PHF11: variants seen among roughly 807,000 people sequenced by gnomAD.
The protein encoded by PHF11 is PHD finger protein 11, also known as BRCA1 C-terminus-associated protein.
Under a neutral mutation model 40.5 loss-of-function variants are expected in PHF11, and 38 were observed. The observed-to-expected ratio is 0.94, with a 90% CI of 0.72 to 1.23. The LOEUF (loss-of-function observed/expected upper bound fraction) is 1.23, where lower values mean the gene tolerates loss of function less well. PHF11 is among the 50% of genes most tolerant of loss of function. The pLI, the probability that PHF11 is intolerant of heterozygous loss-of-function variation, is 0.00. For missense variants in PHF11, 369 were observed against 392.4 expected, an observed-to-expected ratio of 0.94 and a Z score of 0.50; for synonymous variants, 127 against 138.2, an observed-to-expected ratio of 0.92 and a Z score of 0.57.
chr13:49,508,168 T>A (rs1350049169), intron 2 of PHF11, among the ~76,000 whole-genome samples: 1 of 147,876 alleles, frequency 6.8e-6, no homozygotes, highest in Non-Finnish European at 1.5e-5. Flanking sequence ...TTATATGTAT[T>A]AATATATTAT....
At chr13:49,516,246 T>C (rs1473805743) in intron 3 of PHF11, among the ~76,000 whole-genome samples, 1 of 152,092 alleles carries the variant, frequency 6.6e-6, no homozygotes, top group East Asian at 1.9e-4. Context: ...TATTTGATCA[T>C]TGTACCTTGT....
chr13:49,517,988 A>G (rs778568733), intron 3 of PHF11, 30 bp from the exon 4 acceptor site: 3 of 1,161,032 alleles, frequency 2.6e-6, no homozygotes, highest in Non-Finnish European at 3.7e-6. Flanking sequence ...ACAAACAGGT[A>G]CTTACTCAGT....
At chr13:49,523,793 A>G (rs1433569563) in intron 7 of PHF11, 1 of 224,236 alleles carries the variant, frequency 4.5e-6, no homozygotes. Flanking sequence ...AAGGTATTGA[A>G]ATTTAAAAAG....
intron 1 of PHF11, chr13:49,496,578 T>TC: frequency 2.7e-6 from 1 of 373,700 alleles, no homozygotes; most frequent in Non-Finnish European, 3.7e-6. Flanking sequence ...GTTCCAGTCC[T>TC]CCCCGGCCCT....
At chr13:49,517,036 T>C (rs956558475) in intron 3 of PHF11, among the ~76,000 whole-genome samples, 3 of 152,258 alleles carry the variant, frequency 2.0e-5, no homozygotes, top group Non-Finnish European at 4.4e-5. Flanking sequence ...CTTTAATCCA[T>C]GTACAACTTA....
intron 9 of PHF11, 54 bp downstream of exon 9, chr13:49,526,512 G>A (rs1959288855): frequency 2.1e-6 from 2 of 934,038 alleles, no homozygotes; most frequent in Admixed American, 1.7e-5. Flanking sequence ...TATTTATCAC[G>A]ATATTGAAAC....
Position 49,496,237 on chromosome 13 carries a change from G to A in PHF11, c.94+142G>A, listed in dbSNP as rs1296874541. ...CCGGGGCCCTAGACGCCGGGGCGGCGCTGGACGAACTTGGCTCACCACTCG... is the reference window on the plus strand; with the variant it reads ...CCGGGGCCCTAGACGCCGGGGCGGCACTGGACGAACTTGGCTCACCACTCG... On this transcript the variant is annotated intron_variant, in intron 1 of 9. Transcript: ENST00000378319. 6.1e-6 allele frequency: 4 copies of A among 654,868 alleles called. No individual in the cohort carries two copies. The East Asian group carries it at 1.1e-4, about 18-fold the overall frequency. 40.6% of individuals were successfully genotyped at this position (654,868 alleles called of 1,614,324 possible).
chr13:49,502,498 A>G (rs1958923083), intron 1 of PHF11, among the ~76,000 whole-genome samples: 1 of 152,208 alleles, frequency 6.6e-6, no homozygotes. Context: ...TATATGACTA[A>G]CAAAGGGTTA....
At position 49,521,311 on chromosome 13, in the gene PHF11, A is replaced by T. The variant is rs535248151; in HGVS notation, c.505+371A>T. On this transcript the variant is annotated intron_variant, in intron 5 of 9. Coordinates refer to ENST00000378319, the MANE Select transcript of PHF11 (RefSeq NM_001040443.3). ...TTCCCTGAGTGAAAATTCCCTAAGG[A>T]TGCATGGTTAGCATTTCAGTTCTAA... 89 of 994,716 alleles carry T rather than the reference A, an allele frequency of 8.9e-5. No individual in the cohort carries two copies. The Middle Eastern group carries it at 2.0e-3, about 23-fold the overall frequency. 61.6% of individuals were successfully genotyped at this position (994,716 alleles called of 1,614,324 possible). A position where few individuals can be genotyped will look rare whatever the true frequency, so the allele number is the denominator to read the frequency against.
intron 1 of PHF11, among the ~76,000 whole-genome samples, chr13:49,498,573 A>T (rs1183916359): frequency 6.6e-6 from 1 of 152,220 alleles, no homozygotes; most frequent in East Asian, 1.9e-4. Context: ...TCATTCTGAC[A>T]GTAACCTAGT....
intron 2 of PHF11, among the ~76,000 whole-genome samples, chr13:49,508,938 G>A (rs1408659943): frequency 2.0e-5 from 3 of 152,226 alleles, no homozygotes; most frequent in Non-Finnish European, 2.9e-5. Context: ...AAATAAGGAA[G>A]TTACCTTTAT....
chr13:49,515,687 C>T (rs761424904), intron 3 of PHF11, among the ~76,000 whole-genome samples: 3 of 152,196 alleles, frequency 2.0e-5, no homozygotes, highest in Middle Eastern at 3.4e-3. Context: ...TCCACCATAG[C>T]GGAGTCACCC....
intron 6 of PHF11, 147 bp from the exon 7 acceptor site, chr13:49,523,028 G>A (rs1959197259): frequency 1.5e-6 from 1 of 670,812 alleles, no homozygotes; most frequent in Non-Finnish European, 2.7e-6. Flanking sequence ...CTCCCAAAGT[G>A]CTGAGATTAC....
chr13:49,528,582 G>A lies in PHF11; in HGVS notation c.913G>A (p.Asp305Asn). The A allele has an allele frequency of 6.2e-7, 1 of 1,611,410 alleles. No homozygotes were observed. Among genetic ancestry groups the A allele is most frequent in the African/African-American group, 1.3e-5 (1 of 74,988 alleles). Reference protein sequence around the residue: ...QLKEEIELLQDLKQTLCSFQE... With the variant: ...QLKEEIELLQNLKQTLCSFQE... ...GAAGGAAGAGATTGAGCTACTTCAG[G>A]ACTTAAAACAAACCTTGTGCTCTTT... The change falls in exon 10 of 10, where the codon GAC becomes AAC. Residue 305 changes from aspartate (D) to asparagine (N), a missense_variant. Asp to Asn is a conservative substitution (Grantham distance 23). Transcript: ENST00000378319.
chr13:49,525,087 T>C (rs1203559236), intron 8 of PHF11, among the ~76,000 whole-genome samples: 1 of 152,242 alleles, frequency 6.6e-6, no homozygotes, highest in Non-Finnish European at 1.5e-5. Context: ...TGTCCTTTTT[T>C]AAATAAGGTT....
chr13:49,521,957 T>C (rs921409317), intron 5 of PHF11, 86 bp from the exon 6 acceptor site: 3 of 640,328 alleles, frequency 4.7e-6, no homozygotes, highest in Non-Finnish European at 8.4e-6. Context: ...GTAAAAACTT[T>C]TGGCATATGA....
intron 1 of PHF11, among the ~76,000 whole-genome samples, chr13:49,505,257 CT>C (rs1423275090): frequency 3.3e-5 from 5 of 150,302 alleles, no homozygotes; most frequent in Non-Finnish European, 7.4e-5. Flanking sequence ...TTTTTTCTTG[CT>C]TGGTGGGAAG....
At chr13:49,515,455 TACACACACACACACAC>T (rs61316360) in intron 3 of PHF11, among the ~76,000 whole-genome samples, 10,474 of 137,660 alleles carry the variant, frequency 0.076, 561 homozygotes, top group East Asian at 0.21. Flanking sequence ...CCATCTCCTA[TACACACACACACACAC>T]ACACACACAC....
At position 49,528,495 on chromosome 13, in the gene PHF11, T is replaced by C; in HGVS notation, c.842-16T>C. 1 of 1,547,538 alleles carries C rather than the reference T, an allele frequency of 6.5e-7. No individual in the cohort carries two copies. Among genetic ancestry groups the C allele is most frequent in the Non-Finnish European group, 8.8e-7 (1 of 1,136,474 alleles). On this transcript the variant is annotated splice_polypyrimidine_tract_variant and intron_variant, in intron 9 of 9. Transcript: ENST00000378319. The stretch of plus-strand genomic sequence containing the variant: ...TACTGAATAAGCTGAAATAATTTTA[T>C]TTCTTCTTTTCATAGCAATAGAGAA...
Sources: allele counts gnomAD v4.1 joint callset (sites outside exome capture counted in the v4.1 genomes callset), GRCh38; gene constraint gnomAD v4.1.1; transcripts MANE v1.5; gene names NCBI Gene and HGNC (gene_info 2026-07-23, HGNC 2026-07-21).